CSE1L: variants seen among roughly 807,000 people sequenced by gnomAD.
CSE1L encodes exportin-2.
A neutral mutation model predicts 120.4 loss-of-function variants in CSE1L; 24 were observed. The ratio of observed to expected loss-of-function variants is 0.20; its 90% CI spans 0.14 to 0.28. The LOEUF is 0.28. CSE1L is among the 10% of genes least tolerant of loss of function. The pLI is 1.00. For missense variants in CSE1L, 830 were observed against 1,145.2 expected (o/e 0.72, Z 3.97); for synonymous variants, 402 against 398.3 (o/e 1.01, Z -0.11).
In CSE1L at chr20:49,096,543, A is replaced by G. The variant is rs1467114486; in HGVS notation, c.*105A>G. 1 of 831,836 alleles carries G rather than the reference A, an allele frequency of 1.2e-6. No individual in the cohort carries two copies. 51.5% of individuals were successfully genotyped at this position (831,836 alleles called of 1,614,324 possible). ...AGGAAGTTCTCCTTTTGAACTTGTC[A>G]CGAATTCCATCTTGTAAAGGATATT... On this transcript the variant is annotated 3_prime_UTR_variant, in exon 25 of 25. Transcript: ENST00000262982.
chr20:49,049,987 A>G (rs2091753352), intron 1 of CSE1L, among the ~76,000 whole-genome samples: 1 of 152,114 alleles, frequency 6.6e-6, no homozygotes, highest in Non-Finnish European at 1.5e-5. Context: ...GAATTACACC[A>G]CTGCATTTCT....
At chr20:49,073,805 A>G (rs2091949055) in intron 10 of CSE1L, among the ~76,000 whole-genome samples, 1 of 152,124 alleles carries the variant, frequency 6.6e-6, no homozygotes. Context: ...TTTTATATCA[A>G]AATAGTTATT....
At chr20:49,093,200 A>G (rs1334862761) in intron 22 of CSE1L, among the ~76,000 whole-genome samples, 5 of 152,202 alleles carry the variant, frequency 3.3e-5, no homozygotes, top group African/African-American at 1.2e-4. Context: ...TTTTGAGGAA[A>G]TCTCATGCAC....
In CSE1L at chr20:49,089,720, A is replaced by C. The variant is rs757376807; in HGVS notation, c.2155A>C (p.Ile719Leu). The change falls in exon 19 of 25, where the codon ATA becomes CTA. Residue 719 changes from isoleucine (I) to leucine (L), a missense_variant. Around this residue, in one of 4 missense-constraint regions of CSE1L, gnomAD observed 168 missense variants for 267.9 expected, o/e 0.63. Transcript: ENST00000262982. ...QAFLERGSNT[I>L]ASAAADKIPG... ...ATTCTTAGAACGCGGTTCAAACACA[A>C]TAGCAAGTGCTGCAGCTGACAAAAT... The C allele has an allele frequency of 4.3e-6, 7 of 1,614,204 alleles. No homozygotes were observed. Among genetic ancestry groups the C allele is most frequent in the East Asian group, 2.2e-5 (1 of 44,888 alleles).
chr20:49,072,819 T>TGTCTTGGTTTAG, intron 10 of CSE1L, 122 bp downstream of exon 10: 4 of 1,041,998 alleles, frequency 3.8e-6, no homozygotes, highest in Non-Finnish European at 5.3e-6. Flanking sequence ...TCTTATTTTC[T>TGTCTTGGTTTAG]AAACCAAGAC....
intron 14 of CSE1L, among the ~76,000 whole-genome samples, chr20:49,081,605 A>T (rs1244748262): frequency 6.6e-6 from 1 of 151,966 alleles, no homozygotes; most frequent in East Asian, 1.9e-4. Flanking sequence ...GCATCTTTCC[A>T]CTTGAAGGGT....
At chr20:49,073,574 T>A (rs2091947614) in intron 10 of CSE1L, among the ~76,000 whole-genome samples, 1 of 151,934 alleles carries the variant, frequency 6.6e-6, no homozygotes, top group African/African-American at 2.4e-5. Context: ...CAACCTCAAC[T>A]TCCCAGGCTC....
intron 1 of CSE1L, among the ~76,000 whole-genome samples, chr20:49,046,844 G>A (rs2091716087): frequency 6.6e-6 from 1 of 152,242 alleles, no homozygotes; most frequent in Admixed American, 6.5e-5. Context: ...CGCGCGAGCT[G>A]AGTGTGCGGC....
chr20:49,091,438 G>A (rs1023088729), intron 21 of CSE1L, among the ~76,000 whole-genome samples: 3 of 150,428 alleles, frequency 2.0e-5, no homozygotes, highest in Admixed American at 6.6e-5. Flanking sequence ...AAAAAAAAAA[G>A]AAAATATTGT....
At chr20:49,086,953 T>A (rs2145748306) in intron 16 of CSE1L, among the ~76,000 whole-genome samples, 1 of 152,296 alleles carries the variant, frequency 6.6e-6, no homozygotes, top group South Asian at 2.1e-4. Flanking sequence ...GATGAGTCTT[T>A]GACTCCAGTA....
At chr20:49,066,140 G>C (rs112740566) in intron 3 of CSE1L, 52 bp from the exon 4 acceptor site, 3 of 1,407,970 alleles carry the variant, frequency 2.1e-6, no homozygotes, top group Admixed American at 3.5e-5. Flanking sequence ...AAAATCATGT[G>C]GACATGAATG....
At chr20:49,086,909 G>A (rs1445185727) in intron 16 of CSE1L, among the ~76,000 whole-genome samples, 2 of 152,200 alleles carry the variant, frequency 1.3e-5, no homozygotes, top group Non-Finnish European at 2.9e-5. Flanking sequence ...CGAACGTTAG[G>A]TGTGAGGGAT....
rs921900077 is a variant in CSE1L at position 49,052,000 on chromosome 20, C to G, written c.-12+5577C>G. ...CATGAGCCATTCTGCCAGGCCAGAA[C>G]AAATCTAAAAATTCACTTTCTTGAA... is the stretch of plus-strand genomic sequence containing the variant. On this transcript the variant is annotated intron_variant, in intron 1 of 24. Coordinates refer to ENST00000262982, the MANE Select transcript of CSE1L (RefSeq NM_001316.4). Among the ~76,000 whole-genome samples, 5 of 152,150 alleles carry G rather than the reference C, an allele frequency of 3.3e-5. No homozygotes were observed. The South Asian group carries it at 1.0e-3, about 32-fold the overall frequency.
intron 1 of CSE1L, among the ~76,000 whole-genome samples, chr20:49,048,130 CTG>C (rs916374401): frequency 6.7e-6 from 1 of 149,318 alleles, no homozygotes; most frequent in Non-Finnish European, 1.5e-5. Flanking sequence ...TGGCCTTTCT[CTG>C]TGTGTGTCTC....
chr20:49,047,940 A>T (rs531507003), intron 1 of CSE1L, among the ~76,000 whole-genome samples: 102 of 152,154 alleles, frequency 6.7e-4, no homozygotes, highest in Non-Finnish European at 1.4e-3. Context: ...GCTGTTTGAG[A>T]GCAAGGACCT....
At chr20:49,070,007 C>G (rs1031730602) in intron 7 of CSE1L, among the ~76,000 whole-genome samples, 198 bp from the exon 8 acceptor site, 14 of 152,196 alleles carry the variant, frequency 9.2e-5, no homozygotes, top group African/African-American at 3.4e-4. Context: ...TCATTTATAG[C>G]ATACAAACAG....
intron 11 of CSE1L, 52 bp downstream of exon 11, chr20:49,074,902 G>A: frequency 1.4e-6 from 2 of 1,418,746 alleles, no homozygotes; most frequent in South Asian, 1.2e-5. Context: ...CAGTTTTAAG[G>A]TGGTTCTCTT....
At chr20:49,065,297 A>G (rs547225167) in intron 3 of CSE1L, among the ~76,000 whole-genome samples, 1 of 131,164 alleles carries the variant, frequency 7.6e-6, no homozygotes, top group South Asian at 2.4e-4. Context: ...TAGTTTACAT[A>G]TGAAATGAAA....
intron 14 of CSE1L, among the ~76,000 whole-genome samples, chr20:49,080,034 A>T (rs2091999223): frequency 6.6e-6 from 1 of 152,110 alleles, no homozygotes; most frequent in Non-Finnish European, 1.5e-5. Context: ...AGATCATGCC[A>T]TTGCACTCCA....
Sources: gnomAD v4.1 joint callset for allele counts (sites outside exome capture counted in the v4.1 genomes callset) on GRCh38, gnomAD v4.1.1 for gene constraint, gnomAD v4.1.1 regional missense constraint, MANE v1.5 for transcripts, NCBI Gene and HGNC (gene_info 2026-07-23, HGNC 2026-07-21) for gene names.